Variants in TMC1 observed in about 807,000 individuals in gnomAD.
The protein encoded by TMC1 is transmembrane channel-like protein 1.
A neutral mutation model predicts 105.8 loss-of-function variants in TMC1; 84 were observed. That is an observed-to-expected ratio of 0.79 (90% confidence interval 0.67 to 0.95). The LOEUF (loss-of-function observed/expected upper bound fraction) is 0.95, where lower values mean the gene tolerates loss of function less well. TMC1 is among the 40% of genes least tolerant of loss of function. The probability of loss-of-function intolerance (pLI) is 0.00; values close to 1 mark genes in which losing one functional copy is unlikely to be tolerated. For missense variants in TMC1, 817 were observed against 914.1 expected, an observed-to-expected ratio of 0.89 and a Z score of 1.37; for synonymous variants, 315 against 311.5, an observed-to-expected ratio of 1.01 and a Z score of -0.12.
chr9:72,733,523 G>A (rs1358127076), intron 8 of TMC1, among the ~76,000 whole-genome samples: 5 of 152,128 alleles, frequency 3.3e-5, no homozygotes, highest in Admixed American at 3.3e-4. Context: ...CATAAAAACT[G>A]AAGTCAGCCC....
At chr9:72,552,671 A>G (rs1049556124) in intron 1 of TMC1, among the ~76,000 whole-genome samples, 3 of 152,220 alleles carry the variant, frequency 2.0e-5, no homozygotes, top group African/African-American at 7.2e-5. Flanking sequence ...AGAGTACTTC[A>G]GAGGCAAGGA....
rs534750525 is a variant in TMC1, at chr9:72,679,179, A to G, written c.17-9530A>G. Among the ~76,000 whole-genome samples, 21 of 151,972 alleles carry G rather than the reference A, an allele frequency of 1.4e-4. 1 individual carries two copies. Among genetic ancestry groups the G allele is most frequent in the South Asian group, 4.1e-4 (2 of 4,822 alleles). On this transcript the variant is annotated intron_variant, in intron 5 of 23. Transcript: ENST00000297784. ...TCTCCCATTCTTTTCTCATATTTACACCGATCTTTTTATTGGGACAAATGG... is the reference window on the plus strand; with the variant it reads ...TCTCCCATTCTTTTCTCATATTTACGCCGATCTTTTTATTGGGACAAATGG...
At chr9:72,654,254 A>G (rs984308341) in intron 5 of TMC1, among the ~76,000 whole-genome samples, 1 of 152,230 alleles carries the variant, frequency 6.6e-6, no homozygotes, top group Non-Finnish European at 1.5e-5. Flanking sequence ...GTTGATCCTC[A>G]TCCTCATTCA....
At chr9:72,692,944 C>A (rs1014423044) in intron 6 of TMC1, among the ~76,000 whole-genome samples, 1 of 152,032 alleles carries the variant, frequency 6.6e-6, no homozygotes, top group Non-Finnish European at 1.5e-5. Flanking sequence ...CATGGTGAAA[C>A]CCCATCTCTA....
At chr9:72,819,189 T>C (rs1469806224) in intron 19 of TMC1, among the ~76,000 whole-genome samples, 1 of 152,176 alleles carries the variant, frequency 6.6e-6, no homozygotes, top group African/African-American at 2.4e-5. Context: ...ATCTGAAACA[T>C]TGCTATCACA....
At chr9:72,639,548 T>C (rs984745672) in intron 4 of TMC1, among the ~76,000 whole-genome samples, 4 of 152,214 alleles carry the variant, frequency 2.6e-5, no homozygotes, top group Admixed American at 2.0e-4. Context: ...GTGCAGAAGT[T>C]GTATCTGGAT....
intron 8 of TMC1, among the ~76,000 whole-genome samples, chr9:72,725,937 G>A (rs2487463): frequency 0.23 from 34,576 of 151,874 alleles, 4,265 homozygotes; most frequent in East Asian, 0.38. Context: ...TGATCCACCC[G>A]CCTCAGCCTC....
chr9:72,794,089 C>T lies in TMC1; in HGVS notation c.1566+1737C>T, dbSNP rs148919343. Among the ~76,000 whole-genome samples, 17 of 152,212 alleles carry T rather than the reference C, an allele frequency of 1.1e-4. No homozygotes were observed. The East Asian group carries it at 3.3e-3, about 30-fold the overall frequency. ...ACAGGTCCTACCTACCCCCACCCCC[C>T]TCCTTGTCACCAGACAGGGAACCCC... On this transcript the variant is annotated intron_variant, in intron 17 of 23. Transcript: ENST00000297784.
At chr9:72,526,323 A>C (rs1182622056) in intron 1 of TMC1, among the ~76,000 whole-genome samples, 2 of 152,182 alleles carry the variant, frequency 1.3e-5, no homozygotes, top group African/African-American at 2.4e-5. Context: ...GAGGATATTC[A>C]TCCTATCTTA....
intron 2 of TMC1, among the ~76,000 whole-genome samples, chr9:72,585,138 C>G (rs1366861916): frequency 2.0e-5 from 3 of 148,536 alleles, no homozygotes; most frequent in Admixed American, 6.8e-5. Context: ...TGTCACTCAT[C>G]ATGGGTGCCA....
At chr9:72,542,290 G>A (rs141083507) in intron 1 of TMC1, among the ~76,000 whole-genome samples, 2,332 of 152,162 alleles carry the variant, frequency 0.015, 71 homozygotes, top group African/African-American at 0.053. Flanking sequence ...GTGAAACCCC[G>A]TCTCTGCTAA....
rs2118014980 is a variant in TMC1 at position 72,740,164 on chromosome 9, A to G, written c.408A>G (p.Lys136=). 6.2e-7 allele frequency: 1 copy of G among 1,613,756 alleles called. No individual in the cohort carries two copies. The highest frequency in any genetic ancestry group is 1.7e-4 in the Middle Eastern group (1 of 6,056). The part of the protein sequence containing the change: ...FVSENEGALG[K]GKGKRWFAFK... ...GTGAAAATGAAGGGGCTCTTGGGAA[A>G]GGAAAAGGAAAACGGTGGTTTGCAT... is the stretch of plus-strand genomic sequence containing the variant. Residue 136 remains lysine (K), a synonymous_variant, in exon 9 of 24, where the codon AAA becomes AAG. Transcript: ENST00000297784.
intron 17 of TMC1, among the ~76,000 whole-genome samples, chr9:72,797,610 C>G (rs183426871): frequency 5.3e-5 from 8 of 152,206 alleles, no homozygotes; most frequent in African/African-American, 1.9e-4. Context: ...CAAAAACAAG[C>G]AATGGGGAAA....
chr9:72,699,604 T>G (rs1174086519), intron 7 of TMC1, among the ~76,000 whole-genome samples: 2 of 152,122 alleles, frequency 1.3e-5, no homozygotes, highest in Non-Finnish European at 2.9e-5. Context: ...TCTTGATATA[T>G]CTGTAATTAT....
At chr9:72,668,798 T>A (rs1180799407) in intron 5 of TMC1, among the ~76,000 whole-genome samples, 1 of 152,196 alleles carries the variant, frequency 6.6e-6, no homozygotes, top group Non-Finnish European at 1.5e-5. Context: ...TTTTTCATGA[T>A]ATTTTATAAT....
At chr9:72,667,302 G>A (rs1826059085) in intron 5 of TMC1, among the ~76,000 whole-genome samples, 1 of 152,066 alleles carries the variant, frequency 6.6e-6, no homozygotes, top group Admixed American at 6.6e-5. Context: ...TCTCTTCACT[G>A]CCCTTTCCCT....
At chr9:72,827,738 G>A (rs1219789865) in intron 21 of TMC1, among the ~76,000 whole-genome samples, 2 of 152,210 alleles carry the variant, frequency 1.3e-5, no homozygotes, top group Admixed American at 6.5e-5. Flanking sequence ...TTCAGTCCCT[G>A]AGTGCCTCCT....
intron 7 of TMC1, among the ~76,000 whole-genome samples, chr9:72,700,274 A>G (rs1389308148): frequency 6.6e-6 from 1 of 151,684 alleles, no homozygotes; most frequent in Non-Finnish European, 1.5e-5. Context: ...AGAAAAGAAA[A>G]GAAAAAAACA....
intron 13 of TMC1, among the ~76,000 whole-genome samples, chr9:72,776,069 G>A (rs761707857): frequency 8.5e-5 from 13 of 152,078 alleles, no homozygotes; most frequent in East Asian, 1.9e-4. Context: ...GACAAACAGC[G>A]AAAACTCAGC....
Sources: allele counts gnomAD v4.1 joint callset (sites outside exome capture counted in the v4.1 genomes callset), GRCh38; gene constraint gnomAD v4.1.1; transcripts MANE v1.5; gene names NCBI Gene and HGNC (gene_info 2026-07-23, HGNC 2026-07-21).